Variants in FAM89A observed in about 807,000 individuals in gnomAD.
The protein encoded by FAM89A is protein FAM89A.
A neutral mutation model predicts 7.1 loss-of-function variants in FAM89A; 10 were observed. The ratio of observed to expected loss-of-function variants is 1.40; its 90% confidence interval spans 0.86 to 2.38. The LOEUF is 2.38. Ranked by LOEUF, FAM89A falls within the 30% of genes most tolerant of loss-of-function variation. The pLI is 0.00. For synonymous variants in FAM89A, 157 were observed against 129.3 expected (o/e 1.21, Z -1.45); for missense variants, 276 against 262.8 (o/e 1.05, Z -0.35).
chr1:231,021,603 A>G, intron 1 of FAM89A: 1 of 1,458,338 alleles, frequency 6.9e-7, no homozygotes, highest in Non-Finnish European at 9.6e-7. Context: ...AAGGCACCAA[A>G]GAGCACAATG....
chr1:231,025,663 G>A (rs1679957195), intron 1 of FAM89A, among the ~76,000 whole-genome samples: 1 of 151,662 alleles, frequency 6.6e-6, no homozygotes, highest in Non-Finnish European at 1.5e-5. Context: ...AGCATATCTG[G>A]CATTTGTGTT....
intron 1 of FAM89A, among the ~76,000 whole-genome samples, chr1:231,035,387 T>C (rs1367049787): frequency 6.6e-6 from 1 of 152,028 alleles, no homozygotes; most frequent in Non-Finnish European, 1.5e-5. Context: ...AAGAAAAAAA[T>C]GAGGCGAAGA....
rs749817436 is a variant in FAM89A, at chr1:231,019,909, G to A, written c.509C>T (p.Pro170Leu). 5.0e-6 allele frequency: 8 copies of A among 1,614,212 alleles called. 1 individual carries two copies. The highest frequency in any genetic ancestry group is 3.3e-5 in the South Asian group (3 of 91,084). Residue 170 changes from proline (P) to leucine (L), a missense_variant, in exon 2 of 2, where the codon CCT (proline) becomes CTT (leucine). Transcript: ENST00000366654. ...GTCGCTGCTGGAGAGGGAGGAGACA[G>A]GCAGTGACAAGTCCCGAGGAGGGCC... ...DRGPPRDLSL[P>L]VSSLSSSDWI...
At chr1:231,039,567 G>A (rs892910981) in intron 1 of FAM89A, among the ~76,000 whole-genome samples, 1 of 152,244 alleles carries the variant, frequency 6.6e-6, no homozygotes, top group Non-Finnish European at 1.5e-5. Flanking sequence ...CACCGGGAAG[G>A]TCTGTTTCAC....
At chr1:231,022,211 G>T in intron 1 of FAM89A, 1 of 971,716 alleles carries the variant, frequency 1.0e-6, no homozygotes, top group Non-Finnish European at 1.7e-6. Flanking sequence ...AGGAGAGACG[G>T]ATGGACAATC....
chr1:231,040,015 C>A lies in FAM89A; in HGVS notation c.197G>T (p.Arg66Leu). 1 of 1,423,936 alleles carries A rather than the reference C, an allele frequency of 7.0e-7. No homozygotes were observed. The highest frequency in any genetic ancestry group is 9.2e-7 in the Non-Finnish European group (1 of 1,091,622). The allele number at this position is 1,423,936 out of a possible 1,614,324, so 88.2% of individuals were successfully genotyped here. Residue 66 changes from arginine (R) to leucine (L), a missense_variant, in exon 1 of 2, where the codon CGC becomes CTC. Physicochemically the swap from Arg to Leu is moderately radical, Grantham distance 102 (BLOSUM62 -2). Coordinates refer to ENST00000366654, the MANE Select transcript of FAM89A (RefSeq NM_198552.3). ...QKSRIQDELSRGGPGGGGARA... is the reference protein window; with the variant it reads ...QKSRIQDELSLGGPGGGGARA... ...GGCCCCGCCGCCGCCCGGGCCCCCG[C>A]GGCTCAGCTCGTCCTGGATGCGCGA...
At position 231,027,938 on chromosome 1, in the gene FAM89A, C is replaced by T. The variant is rs149940902; in HGVS notation, c.292-7812G>A. Among the ~76,000 whole-genome samples the T allele has an allele frequency of 1.6e-3, 245 of 152,368 alleles. 3 individuals are homozygous for T. The highest frequency in any genetic ancestry group is 5.6e-3 in the African/African-American group (234 of 41,586). On this transcript the variant is annotated intron_variant, in intron 1 of 1. Coordinates refer to ENST00000366654, the MANE Select transcript of FAM89A (RefSeq NM_198552.3). ...ACTCTCTATATTATCGGTGTGCACA[C>T]AGGTCTTCTCTCTCCTGACACAGGA... is the stretch of plus-strand genomic sequence containing the variant.
Position 231,040,166 on chromosome 1 carries a change from C to G in FAM89A, c.46G>C (p.Val16Leu), listed in dbSNP as rs776515561. ...AAPGAAGNGA[V>L]RGLRVDGLPP... ...AGCCCGTCCACCCGCAGCCCCCGGA[C>G]CGCGCCGTTGCCCGCGGCCCCGGGC... is the stretch of plus-strand genomic sequence containing the variant. Residue 16 changes from valine (V) to leucine (L), a missense_variant, in exon 1 of 2, where the codon GTC becomes CTC. By Grantham distance (32) the Val-to-Leu change is conservative (BLOSUM62 1). Transcript: ENST00000366654. 2.1e-4 allele frequency: 254 copies of G among 1,196,312 alleles called. No homozygotes were observed. The highest frequency in any genetic ancestry group is 2.5e-4 in the Non-Finnish European group (244 of 966,154). The allele number at this position is 1,196,312 out of a possible 1,614,324, so 74.1% of individuals were successfully genotyped here. A position where few individuals can be genotyped will look rare whatever the true frequency, so the allele number is the denominator to read the frequency against.
intron 1 of FAM89A, among the ~76,000 whole-genome samples, chr1:231,031,123 A>G (rs1369378707): frequency 6.6e-6 from 1 of 151,976 alleles, no homozygotes; most frequent in East Asian, 1.9e-4. Context: ...AATAATAATA[A>G]TAATAATAAT....
At chr1:231,030,156 CCATGGGCGGAAA>C (rs1236479361) in intron 1 of FAM89A, among the ~76,000 whole-genome samples, 1 of 152,208 alleles carries the variant, frequency 6.6e-6, no homozygotes, top group African/African-American at 2.4e-5. Flanking sequence ...CCTTCTCCTC[CCATGGGCGGAAA>C]CATATTCGTG....
intron 1 of FAM89A, among the ~76,000 whole-genome samples, chr1:231,031,607 C>A (rs535760408): frequency 6.6e-6 from 1 of 152,250 alleles, no homozygotes; most frequent in South Asian, 2.1e-4. Flanking sequence ...ATCTCAGGGG[C>A]CCCTAGAGGT....
chr1:231,033,710 G>GT (rs1044077751), intron 1 of FAM89A, among the ~76,000 whole-genome samples: 1 of 152,238 alleles, frequency 6.6e-6, no homozygotes, highest in African/African-American at 2.4e-5. Context: ...GAGAAGGGTT[G>GT]TAAGATATTT....
At chr1:231,039,822 G>A (rs575454516) in intron 1 of FAM89A, 99 bp downstream of exon 1, 4 of 1,166,398 alleles carry the variant, frequency 3.4e-6, no homozygotes, top group Non-Finnish European at 4.3e-6. Context: ...GAAAGGGCGG[G>A]TGGGCGCGGG....
intron 1 of FAM89A, chr1:231,022,188 T>C: frequency 1.0e-6 from 1 of 982,764 alleles, no homozygotes; most frequent in Non-Finnish European, 1.7e-6. Context: ...ATATGAAGTA[T>C]TCAGAGACGC....
intron 1 of FAM89A, among the ~76,000 whole-genome samples, chr1:231,020,583 T>G (rs1679858557): frequency 6.6e-6 from 1 of 152,176 alleles, no homozygotes. Context: ...GGCAACAGAA[T>G]GCCCTTTGCC....
chr1:231,040,227 C>T lies in FAM89A; in HGVS notation c.-16G>A. The T allele has an allele frequency of 9.6e-7, 1 of 1,042,304 alleles. No individual in the cohort carries two copies. The highest frequency in any genetic ancestry group is 8.8e-5 in the East Asian group (1 of 11,310). 64.6% of individuals were successfully genotyped at this position (1,042,304 alleles called of 1,614,324 possible). A position where few individuals can be genotyped will look rare whatever the true frequency, so the allele number is the denominator to read the frequency against. The stretch of plus-strand genomic sequence containing the variant: ...CCCCACTCATCGCGCCGCGGCCCGG[C>T]CACGCGCCTGCCCCGCTGCAGCGAA... On this transcript the variant is annotated 5_prime_UTR_variant, in exon 1 of 2. Coordinates refer to ENST00000366654, the MANE Select transcript of FAM89A (RefSeq NM_198552.3).
In FAM89A at chr1:231,040,072, C is replaced by T; in HGVS notation, c.140G>A (p.Trp47Ter). 2.1e-6 allele frequency: 3 copies of T among 1,448,338 alleles called. No individual in the cohort carries two copies. The highest frequency in any genetic ancestry group is 1.4e-5 in the South Asian group (1 of 73,126). The allele number at this position is 1,448,338 out of a possible 1,614,324, so 89.7% of individuals were successfully genotyped here. Residue 47 changes from tryptophan to a stop codon, truncating the protein, a stop_gained, in exon 1 of 2, where the codon TGG (tryptophan) becomes TAG (stop). Coordinates refer to ENST00000366654, the MANE Select transcript of FAM89A (RefSeq NM_198552.3). LOFTEE classifies it high-confidence loss of function. Reference sequence around the variant, plus strand: ...CGCGTACAGCCGCTCCAGGTGCCGCCAGCCCCCAGACGCGCCGCCGCCCGA... The same window carrying T: ...CGCGTACAGCCGCTCCAGGTGCCGCTAGCCCCCAGACGCGCCGCCGCCCGA... ...SASGGGASGGWRHLERLYAQK... is the reference protein window; with the variant it reads ...SASGGGASGG
At chr1:231,021,416 C>G (rs1265595457) in intron 1 of FAM89A, among the ~76,000 whole-genome samples, 1 of 152,194 alleles carries the variant, frequency 6.6e-6, no homozygotes, top group African/African-American at 2.4e-5. Context: ...CTCTGGAGTG[C>G]GCCGGTGGCA....
intron 1 of FAM89A, chr1:231,021,977 G>A: frequency 7.5e-7 from 1 of 1,329,892 alleles, no homozygotes. Flanking sequence ...GGGCGCTATA[G>A]GCCTCAGGCC....
Sources: allele counts gnomAD v4.1 joint callset (sites outside exome capture counted in the v4.1 genomes callset), GRCh38; gene constraint gnomAD v4.1.1; transcripts MANE v1.5; gene names NCBI Gene and HGNC (gene_info 2026-07-23, HGNC 2026-07-21).